VCF2: variants seen among roughly 807,000 people sequenced by gnomAD.
The protein encoded by VCF2 is VCP nuclear cofactor family member 2.
chrX:55,159,970 T>C, the VCF2 span, among the ~76,000 whole-genome samples: 1 of 112,029 alleles, frequency 8.9e-6, no homozygotes, highest in East Asian at 2.8e-4. Flanking sequence ...CTCCTAAGAA[T>C]GGCTGAGTTT....
the VCF2 span, chrX:55,143,493 A>G: frequency 6.1e-6 from 1 of 162,646 alleles, no homozygotes. Flanking sequence ...GAAGGGAGAG[A>G]GGGAGAGAGG....
chrX:55,160,960 G>T, the VCF2 span: 1 of 1,165,375 alleles, frequency 8.6e-7, no homozygotes, highest in Non-Finnish European at 1.1e-6. Flanking sequence ...CCGCGCCACC[G>T]GCCAACACTG....
At chrX:55,144,873 C>T in the VCF2 span, among the ~76,000 whole-genome samples, 6 of 112,303 alleles carry the variant, frequency 5.3e-5, no homozygotes, top group Non-Finnish European at 9.4e-5. Context: ...TTGTTTAAAT[C>T]TAGCAACAGG....
the VCF2 span, among the ~76,000 whole-genome samples, chrX:55,158,811 C>T: frequency 3.6e-5 from 4 of 111,663 alleles, no homozygotes; most frequent in Non-Finnish European, 3.8e-5. Context: ...TAACATATCA[C>T]TATGTACTAG....
chrX:55,149,174 G>GT, the VCF2 span, among the ~76,000 whole-genome samples: 290 of 90,084 alleles, frequency 3.2e-3, 1 homozygote, highest in East Asian at 7.2e-3. Context: ...ACTGCAGGAG[G>GT]TTTTTTTTTT....
At chrX:55,158,186 A>G in the VCF2 span, among the ~76,000 whole-genome samples, 1 of 112,291 alleles carries the variant, frequency 8.9e-6, no homozygotes, top group Non-Finnish European at 1.9e-5. Flanking sequence ...ATCTTTTCTC[A>G]TCTTGCTCAA....
the VCF2 span, among the ~76,000 whole-genome samples, chrX:55,149,744 T>A: frequency 8.9e-6 from 1 of 111,769 alleles, no homozygotes; most frequent in Non-Finnish European, 1.9e-5. Context: ...TATGAAAAAA[T>A]TTATTGAAAT....
At chrX:55,158,754 T>C in the VCF2 span, among the ~76,000 whole-genome samples, 1 of 111,644 alleles carries the variant, frequency 9.0e-6, no homozygotes, top group Admixed American at 9.5e-5. Context: ...CTGCCCCAAA[T>C]TTTTCACTTT....
chrX:55,160,309 T>C, the VCF2 span, among the ~76,000 whole-genome samples: 1 of 112,616 alleles, frequency 8.9e-6, no homozygotes, highest in African/African-American at 3.2e-5. Flanking sequence ...TCTTTGATCA[T>C]GGTATTTTGA....
the VCF2 span, chrX:55,143,836 GGACATAAACCAGTTTAT>G: frequency 1.1e-5 from 13 of 1,205,262 alleles, no homozygotes; most frequent in Non-Finnish European, 1.5e-5. Context: ...CAGGACCAAA[GGACATAAACCAGTTTAT>G]GACATAAACA....
the VCF2 span, among the ~76,000 whole-genome samples, chrX:55,158,716 C>T: frequency 4.5e-5 from 5 of 111,525 alleles, no homozygotes; most frequent in Non-Finnish European, 9.4e-5. Flanking sequence ...TTTTCCAGCA[C>T]CATTAAAGTT....
chrX:55,149,606 T>A, the VCF2 span, among the ~76,000 whole-genome samples: 1 of 111,942 alleles, frequency 8.9e-6, no homozygotes, highest in Non-Finnish European at 1.9e-5. Flanking sequence ...ATTAGTTCAG[T>A]TTCTCTATAA....
chrX:55,161,048 C>A, the VCF2 span: 1 of 1,186,870 alleles, frequency 8.4e-7, no homozygotes, highest in Non-Finnish European at 1.1e-6. Flanking sequence ...GCCCTGAGCC[C>A]CGAGATCTTG....
the VCF2 span, chrX:55,146,412 A>G: frequency 1.4e-6 from 1 of 739,586 alleles, no homozygotes; most frequent in Admixed American, 2.4e-5. Flanking sequence ...AATGGGCTTA[A>G]TGGTTTTTAC....
At chrX:55,151,924 C>T in the VCF2 span, among the ~76,000 whole-genome samples, 1 of 78,400 alleles carries the variant, frequency 1.3e-5, no homozygotes, top group Middle Eastern at 0.016. Context: ...CGGAGTCTCG[C>T]TCTGTCGCCC....
At chrX:55,146,256 G>C in the VCF2 span, 7 of 1,209,085 alleles carry the variant, frequency 5.8e-6, no homozygotes, top group Admixed American at 6.6e-5. Context: ...TGGTCCACTT[G>C]CTCTCTCTGG....
chrX:55,152,842 T>C, the VCF2 span, among the ~76,000 whole-genome samples: 1 of 112,088 alleles, frequency 8.9e-6, no homozygotes, highest in Non-Finnish European at 1.9e-5. Context: ...CAATGTAAAC[T>C]GATAACTTAT....
At chrX:55,161,053 A>T in the VCF2 span, 5 of 1,191,138 alleles carry the variant, frequency 4.2e-6, no homozygotes, top group Non-Finnish European at 5.7e-6. Flanking sequence ...GAGCCCCGAG[A>T]TCTTGGCTGA....
chrX:55,159,611 C>G, the VCF2 span, among the ~76,000 whole-genome samples: 1 of 112,052 alleles, frequency 8.9e-6, no homozygotes, highest in African/African-American at 3.2e-5. Flanking sequence ...TCAATAAGAT[C>G]GTAAGACATG....
Sources: gnomAD v4.1 joint callset for allele counts (sites outside exome capture counted in the v4.1 genomes callset) on GRCh38, gnomAD v4.1.1 for gene constraint, MANE v1.5 for transcripts, NCBI Gene and HGNC (gene_info 2026-07-23, HGNC 2026-07-21) for gene names.